Variants in SLC25A48 observed in about 807,000 individuals in gnomAD.
The protein encoded by SLC25A48 is CTC-321K16.1.
Under a neutral mutation model 32.2 loss-of-function variants are expected in SLC25A48, and 29 were observed. The observed-to-expected ratio is 0.90, with a 90% CI of 0.67 to 1.23. The LOEUF is 1.23. SLC25A48 is among the 50% of genes most tolerant of loss of function. The pLI, the probability that SLC25A48 is intolerant of heterozygous loss-of-function variation, is 0.00. For missense variants in SLC25A48, 399 were observed against 422.7 expected (o/e 0.94, Z 0.49); for synonymous variants, 164 against 172.3 (o/e 0.95, Z 0.38).
Position 135,834,732 on chromosome 5 carries a change from G to A in SLC25A48, c.-116G>A. 1 of 1,144,808 alleles carries A rather than the reference G, an allele frequency of 8.7e-7. No individual in the cohort carries two copies. Among genetic ancestry groups the A allele is most frequent in the Non-Finnish European group, 1.2e-6 (1 of 816,098 alleles). 70.9% of individuals were successfully genotyped at this position (1,144,808 alleles called of 1,614,324 possible). Reference sequence around the variant, plus strand: ...GGACTGGGTTTGGAGTAGGACCTGCGGCGTGCTCGAGACTCCGACTTCGGT... The same window carrying A: ...GGACTGGGTTTGGAGTAGGACCTGCAGCGTGCTCGAGACTCCGACTTCGGT... On this transcript the variant is annotated 5_prime_UTR_variant, in exon 1 of 8. Coordinates refer to ENST00000681962, the MANE Select transcript of SLC25A48 (RefSeq NM_001349336.2).
At chr5:135,771,532 C>G (rs1009950518) in intron 3 of SLC25A48, among the ~76,000 whole-genome samples, 5 of 151,414 alleles carry the variant, frequency 3.3e-5, no homozygotes, top group African/African-American at 1.2e-4. Flanking sequence ...GGTGATATTA[C>G]TCTCATTTTC....
chr5:135,777,033 C>A (rs945169411), intron 3 of SLC25A48, among the ~76,000 whole-genome samples: 46 of 150,916 alleles, frequency 3.0e-4, no homozygotes, highest in African/African-American at 1.1e-3. Flanking sequence ...TTCCTAATAT[C>A]CAGGGGAAGA....
At chr5:135,592,680 A>C (rs999646997) in intron 1 of SLC25A48, among the ~76,000 whole-genome samples, 1 of 151,986 alleles carries the variant, frequency 6.6e-6, no homozygotes, top group Non-Finnish European at 1.5e-5. Context: ...ATTGAGAGAG[A>C]GACAGTGAGA....
At chr5:135,644,679 C>A (rs1196861354) in intron 3 of SLC25A48, among the ~76,000 whole-genome samples, 1 of 152,170 alleles carries the variant, frequency 6.6e-6, no homozygotes, top group Non-Finnish European at 1.5e-5. Context: ...AGGAGTCAGA[C>A]CCAGATTTGT....
At chr5:135,852,519 C>T (rs1759956628) in intron 3 of SLC25A48, 44 bp from the exon 4 acceptor site, 1 of 1,554,056 alleles carries the variant, frequency 6.4e-7, no homozygotes, top group Non-Finnish European at 8.7e-7. Context: ...TCTGCGACGG[C>T]AGCCCGGGGT....
chr5:135,846,116 A>G (rs1400424543), intron 2 of SLC25A48, among the ~76,000 whole-genome samples: 2 of 152,162 alleles, frequency 1.3e-5, no homozygotes, highest in African/African-American at 4.8e-5. Context: ...TCGTAAGAGC[A>G]CAAACCCTAT....
chr5:135,825,042 A>C (rs901291777), intron 4 of SLC25A48: 1 of 152,166 alleles, frequency 6.6e-6, no homozygotes, highest in Non-Finnish European at 1.5e-5. Flanking sequence ...GGCCTGGGGA[A>C]CGTGGTTTCC....
intron 3 of SLC25A48, among the ~76,000 whole-genome samples, chr5:135,675,661 C>G (rs535955234): frequency 1.4e-4 from 21 of 152,008 alleles, no homozygotes; most frequent in African/African-American, 5.1e-4. Flanking sequence ...GTTTCTTTTG[C>G]TCAAGATTGC....
intron 1 of SLC25A48, among the ~76,000 whole-genome samples, chr5:135,607,012 G>A (rs1409710321): frequency 3.3e-5 from 5 of 152,088 alleles, no homozygotes; most frequent in African/African-American, 1.2e-4. Flanking sequence ...GGACTCATCT[G>A]ACCCTCAAGA....
chr5:135,797,430 G>C lies in SLC25A48; in HGVS notation c.-520-15093G>C, dbSNP rs139541982. 1.8e-3 allele frequency among the ~76,000 whole-genome samples: 276 copies of C among 151,970 alleles called. 1 individual carries two copies. The highest frequency in any genetic ancestry group is 6.6e-3 in the African/African-American group (272 of 41,472). ...ATTTCAGGGGGTGTACACCCTTGCT[G>C]TGAAATTGCTTTTATATCCAAAGGG... On this transcript the variant is annotated intron_variant, in intron 3 of 10. Transcript: ENST00000646290.
intron 4 of SLC25A48, among the ~76,000 whole-genome samples, chr5:135,866,648 C>T (rs545245805): frequency 6.6e-6 from 1 of 152,202 alleles, no homozygotes; most frequent in Non-Finnish European, 1.5e-5. Context: ...TAAGGGACCT[C>T]CCAGGCCAAA....
At chr5:135,727,236 A>G (rs1338106621) in intron 3 of SLC25A48, among the ~76,000 whole-genome samples, 1 of 150,780 alleles carries the variant, frequency 6.6e-6, no homozygotes, top group Non-Finnish European at 1.5e-5. Context: ...ATAGATATAT[A>G]TGTATGTGTG....
upstream of SLC25A48, among the ~76,000 whole-genome samples, chr5:135,833,911 G>A (rs376874150): frequency 1.1e-4 from 16 of 152,328 alleles, no homozygotes; most frequent in African/African-American, 3.8e-4. Context: ...AGCAGGCCCA[G>A]CAGAGGCCCC....
At chr5:135,741,960 C>T (rs890137802) in intron 3 of SLC25A48, among the ~76,000 whole-genome samples, 1 of 152,212 alleles carries the variant, frequency 6.6e-6, no homozygotes, top group African/African-American at 2.4e-5. Context: ...TTCTTGGCTA[C>T]AGAATCCAAT....
chr5:135,880,198 G>A, intron 7 of SLC25A48, 101 bp downstream of exon 7: 1 of 1,435,594 alleles, frequency 7.0e-7, no homozygotes, highest in South Asian at 1.4e-5. Flanking sequence ...ATGTCCTGTT[G>A]TTTGTCACAT....
At chr5:135,801,884 C>A (rs577225607) in intron 3 of SLC25A48, among the ~76,000 whole-genome samples, 8 of 151,796 alleles carry the variant, frequency 5.3e-5, no homozygotes, top group East Asian at 1.9e-4. Flanking sequence ...CGCAATATTG[C>A]AAGAAGTGTA....
intron 3 of SLC25A48, among the ~76,000 whole-genome samples, chr5:135,792,484 T>G (rs1757057246): frequency 1.3e-5 from 2 of 151,656 alleles, no homozygotes; most frequent in African/African-American, 4.8e-5. Flanking sequence ...TCTTAGGGGG[T>G]TGTTAATCTT....
intron 3 of SLC25A48, among the ~76,000 whole-genome samples, chr5:135,659,612 G>A (rs1277658342): frequency 6.6e-6 from 1 of 152,086 alleles, no homozygotes. Context: ...CAATTTTCTT[G>A]TATTAGTCTG....
intron 3 of SLC25A48, among the ~76,000 whole-genome samples, chr5:135,769,267 G>GA (rs377268836): frequency 6.7e-6 from 1 of 149,752 alleles, no homozygotes; most frequent in Non-Finnish European, 1.5e-5. Flanking sequence ...ATTGGGGGGG[G>GA]AGAATGATAT....
Sources: allele counts gnomAD v4.1 joint callset (sites outside exome capture counted in the v4.1 genomes callset), GRCh38; gene constraint gnomAD v4.1.1; transcripts MANE v1.5; gene names NCBI Gene and HGNC (gene_info 2026-07-23, HGNC 2026-07-21).